Variants in NRXN3 observed in about 807,000 individuals in gnomAD.
NRXN3 encodes the protein neurexin III.
Under a neutral mutation model 137.6 loss-of-function variants are expected in NRXN3, and 32 were observed. The observed-to-expected ratio is 0.23, with a 90% CI of 0.18 to 0.31. The LOEUF (loss-of-function observed/expected upper bound fraction) is 0.31. Ranked by LOEUF, NRXN3 falls within the 10% of genes least tolerant of loss-of-function variation. The pLI, the probability that NRXN3 is intolerant of heterozygous loss-of-function variation, is 1.00. For synonymous variants in NRXN3, 798 were observed against 784.5 expected, an observed-to-expected ratio of 1.02 and a Z score of -0.29; for missense variants, 1,574 against 2,062.5, an observed-to-expected ratio of 0.76 and a Z score of 4.59.
intron 10 of NRXN3, among the ~76,000 whole-genome samples, chr14:78,859,581 C>G (rs539901094): frequency 6.6e-6 from 1 of 152,100 alleles, no homozygotes; most frequent in Non-Finnish European, 1.5e-5. Context: ...TGCCCCCACA[C>G]TTTGTAGCAA....
At chr14:79,364,033 A>C (rs1231248267) in intron 15 of NRXN3, among the ~76,000 whole-genome samples, 1 of 152,040 alleles carries the variant, frequency 6.6e-6, no homozygotes, top group Non-Finnish European at 1.5e-5. Flanking sequence ...GTGTGTATGA[A>C]CCTAGTGATG....
intron 15 of NRXN3, among the ~76,000 whole-genome samples, chr14:79,353,083 A>G (rs966123835): frequency 1.3e-5 from 2 of 152,122 alleles, no homozygotes; most frequent in Admixed American, 6.6e-5. Context: ...AGTAAGTAAA[A>G]GTAGCTATTT....
At chr14:78,186,161 G>A (rs2060211430) in intron 1 of NRXN3, among the ~76,000 whole-genome samples, 1 of 152,204 alleles carries the variant, frequency 6.6e-6, no homozygotes, top group African/African-American at 2.4e-5. Flanking sequence ...GACACATCTT[G>A]GCATTGGGCA....
chr14:78,773,565 A>T (rs886930511), intron 8 of NRXN3, among the ~76,000 whole-genome samples: 1 of 152,030 alleles, frequency 6.6e-6, no homozygotes, highest in Admixed American at 6.6e-5. Flanking sequence ...GCTTTATTTA[A>T]TTTTTAATTT....
At chr14:78,876,992 C>T (rs1487009086) in intron 10 of NRXN3, among the ~76,000 whole-genome samples, 1 of 152,064 alleles carries the variant, frequency 6.6e-6, no homozygotes, top group Non-Finnish European at 1.5e-5. Context: ...ATATTTCTAC[C>T]CCAAGATCCT....
chr14:78,625,947 G>A (rs935251849), intron 4 of NRXN3, among the ~76,000 whole-genome samples: 4 of 152,204 alleles, frequency 2.6e-5, no homozygotes, highest in African/African-American at 9.7e-5. Flanking sequence ...TCCCATGTCT[G>A]TAGAAGAGAC....
chr14:78,596,401 C>A lies in NRXN3; in HGVS notation c.758-48719C>A, dbSNP rs1000482161. The stretch of plus-strand genomic sequence containing the variant: ...TACTGCATCAGCCTAGTGGGAGGTG[C>A]TTGTTAACCCTCTGTGCTGTGGCTT... On this transcript the variant is annotated intron_variant, in intron 4 of 20. Coordinates refer to ENST00000335750, the MANE Select transcript of NRXN3 (RefSeq NM_001330195.2). Among the ~76,000 whole-genome samples the A allele has an allele frequency of 4.6e-5, 7 of 152,098 alleles. No individual in the cohort carries two copies. In the East Asian group the frequency reaches 1.3e-3, roughly 29 times the overall value.
At chr14:79,103,078 C>A (rs2051657773) in intron 15 of NRXN3, among the ~76,000 whole-genome samples, 3 of 152,152 alleles carry the variant, frequency 2.0e-5, no homozygotes, top group Non-Finnish European at 2.9e-5. Context: ...GGCCAGAGTT[C>A]AAGCTTGGCA....
chr14:79,500,099 A>G (rs1298964097), intron 16 of NRXN3, among the ~76,000 whole-genome samples: 3 of 152,100 alleles, frequency 2.0e-5, no homozygotes, highest in Non-Finnish European at 4.4e-5. Flanking sequence ...GAGAATACAA[A>G]GAAAGGTGCT....
At chr14:79,607,940 G>A (rs2098043899) in intron 16 of NRXN3, among the ~76,000 whole-genome samples, 1 of 152,108 alleles carries the variant, frequency 6.6e-6, no homozygotes, top group South Asian at 2.1e-4. Context: ...CAAAAGTGCT[G>A]GGATTACAGA....
intron 10 of NRXN3, among the ~76,000 whole-genome samples, chr14:78,918,313 A>G (rs1292981386): frequency 6.8e-6 from 1 of 146,652 alleles, no homozygotes; most frequent in African/African-American, 2.5e-5. Flanking sequence ...AAAAAGAGAG[A>G]GAGAGAGAAA....
chr14:78,841,855 T>G (rs2099013397), intron 10 of NRXN3, among the ~76,000 whole-genome samples: 1 of 152,142 alleles, frequency 6.6e-6, no homozygotes, highest in African/African-American at 2.4e-5. Context: ...AGCCACTTAC[T>G]TTCTCCATTA....
intron 18 of NRXN3, among the ~76,000 whole-genome samples, chr14:79,695,346 C>T (rs2098731670): frequency 6.6e-6 from 1 of 151,924 alleles, no homozygotes; most frequent in Non-Finnish European, 1.5e-5. Context: ...GATTTTCTAC[C>T]TGTAATCAAG....
At chr14:79,108,405 C>T (rs998860692) in intron 15 of NRXN3, among the ~76,000 whole-genome samples, 11 of 152,210 alleles carry the variant, frequency 7.2e-5, no homozygotes, top group African/African-American at 2.6e-4. Flanking sequence ...ACAAAAACAT[C>T]GTTTGTGCTA....
intron 10 of NRXN3, among the ~76,000 whole-genome samples, chr14:78,860,617 T>C (rs924804136): frequency 1.3e-5 from 2 of 152,172 alleles, no homozygotes; most frequent in Middle Eastern, 3.2e-3. Context: ...ATTTTGTATA[T>C]GTATTATATA....
At chr14:79,333,525 T>A (rs781650124) in intron 15 of NRXN3, among the ~76,000 whole-genome samples, 4 of 152,172 alleles carry the variant, frequency 2.6e-5, no homozygotes, top group Non-Finnish European at 4.4e-5. Flanking sequence ...GTGGAGTTCT[T>A]CTTCCCACCA....
chr14:78,630,524 A>G (rs61976109), intron 4 of NRXN3, among the ~76,000 whole-genome samples: 7,610 of 152,154 alleles, frequency 0.05, 257 homozygotes, highest in Middle Eastern at 0.15. Context: ...TATTTGTTGA[A>G]TAAATGCACA....
intron 20 of NRXN3, among the ~76,000 whole-genome samples, chr14:79,838,703 A>G (rs1171231143): frequency 1.3e-5 from 2 of 152,156 alleles, no homozygotes; most frequent in African/African-American, 4.8e-5. Context: ...TGTGATACCA[A>G]GCTGCTGCCA....
intron 16 of NRXN3, among the ~76,000 whole-genome samples, chr14:79,564,547 C>G (rs1051892304): frequency 3.3e-5 from 5 of 152,128 alleles, no homozygotes; most frequent in Admixed American, 6.6e-5. Context: ...CACACTTTAT[C>G]TGGACCTGTG....
Sources: gnomAD v4.1 joint callset for allele counts (sites outside exome capture counted in the v4.1 genomes callset) on GRCh38, gnomAD v4.1.1 for gene constraint, MANE v1.5 for transcripts, NCBI Gene and HGNC (gene_info 2026-07-23, HGNC 2026-07-21) for gene names.